Variants in STAU1 observed in about 807,000 individuals in gnomAD.
The protein encoded by STAU1 is staufen double-stranded RNA binding protein 1.
STAU1 carries 13 observed loss-of-function variants against 62.9 expected under a neutral mutation model. That is an observed-to-expected ratio of 0.21 (90% CI 0.13 to 0.33). STAU1 has a LOEUF of 0.33. Ranked by LOEUF, STAU1 falls within the 10% of genes least tolerant of loss-of-function variation. STAU1 has a pLI of 1.00. For synonymous variants in STAU1, 269 were observed against 265.1 expected, an observed-to-expected ratio of 1.01 and a Z score of -0.14; for missense variants, 571 against 712.1, an observed-to-expected ratio of 0.80 and a Z score of 2.25.
At chr20:49,115,958 G>T in intron 12 of STAU1, 91 bp from the exon 13 acceptor site, 1 of 1,078,018 alleles carries the variant, frequency 9.3e-7, no homozygotes, top group Non-Finnish European at 1.4e-6. Flanking sequence ...AGTTCCTGCT[G>T]CCCAGCAAAC....
chr20:49,195,512 G>A, the STAU1 span, among the ~76,000 whole-genome samples: 5 of 115,738 alleles, frequency 4.3e-5, no homozygotes, highest in Non-Finnish European at 8.3e-5. Context: ...CTCCAGCCTG[G>A]GCGACAGAGC....
At chr20:49,164,945 C>T (rs557548042) in intron 3 of STAU1, among the ~76,000 whole-genome samples, 5 of 152,292 alleles carry the variant, frequency 3.3e-5, no homozygotes, top group Non-Finnish European at 7.4e-5. Flanking sequence ...TCTAGTAAAT[C>T]TGGCTGCCCC....
At chr20:49,129,410 CCT>C (rs933777642) in intron 6 of STAU1, among the ~76,000 whole-genome samples, 6 of 150,342 alleles carry the variant, frequency 4.0e-5, no homozygotes, top group Admixed American at 6.6e-5. Context: ...CCCTCAGCCC[CCT>C]GAGTACCTGG....
intron 6 of STAU1, among the ~76,000 whole-genome samples, chr20:49,127,342 G>A (rs888328863): frequency 5.9e-5 from 9 of 151,640 alleles, no homozygotes; most frequent in Admixed American, 1.3e-4. Flanking sequence ...CAACAAGAGC[G>A]AAACACCATC....
intron 2 of STAU1, among the ~76,000 whole-genome samples, chr20:49,168,717 T>C (rs1178098191): frequency 1.3e-5 from 2 of 152,180 alleles, no homozygotes; most frequent in Non-Finnish European, 2.9e-5. Context: ...GGGAGCAATT[T>C]TGTTCCCCCA....
upstream of STAU1, among the ~76,000 whole-genome samples, chr20:49,189,610 ACT>A (rs1393411268): frequency 1.3e-4 from 17 of 129,788 alleles, no homozygotes; most frequent in Non-Finnish European, 2.4e-4. Flanking sequence ...ACAGAGTGAG[ACT>A]CTGTCTCAAA....
Position 49,153,947 on chromosome 20 carries a change from A to G in STAU1, c.330T>C (p.Gly110=), listed in dbSNP as rs1008442818. ...QSTYNYNMRG[G]AYPPRYFYPF... ...AAAACACATACCTCGGGGGATAAGC[A>G]CCTCCTCTCATGTTGTAGTTATAGG... The change falls in exon 4 of 14, where the codon GGT becomes GGC. Residue 110 remains glycine (G), a synonymous_variant. Coordinates refer to ENST00000371856, the MANE Select transcript of STAU1 (RefSeq NM_017453.4). The G allele has an allele frequency of 8.8e-6, 14 of 1,587,608 alleles. No homozygotes were observed. Among genetic ancestry groups the G allele is most frequent in the Non-Finnish European group, 1.2e-5 (14 of 1,173,238 alleles).
At chr20:49,162,849 C>A (rs2146352516) in intron 3 of STAU1, among the ~76,000 whole-genome samples, 1 of 151,146 alleles carries the variant, frequency 6.6e-6, no homozygotes, top group East Asian at 2.0e-4. Context: ...GAAACAGGCA[C>A]AAGGAAGGGG....
chr20:49,182,680 C>T (rs1295154594), intron 1 of STAU1, among the ~76,000 whole-genome samples: 2 of 151,888 alleles, frequency 1.3e-5, no homozygotes, highest in South Asian at 2.1e-4. Flanking sequence ...CTACTAAAAA[C>T]ACAAAAAAAT....
chr20:49,158,181 C>G (rs1238880989), intron 3 of STAU1, among the ~76,000 whole-genome samples: 1 of 152,040 alleles, frequency 6.6e-6, no homozygotes, highest in Non-Finnish European at 1.5e-5. Flanking sequence ...ACTCAGGAGG[C>G]TGAGGCAAGA....
chr20:49,190,007 T>C (rs2093828378), upstream of STAU1, among the ~76,000 whole-genome samples: 1 of 152,178 alleles, frequency 6.6e-6, no homozygotes, highest in African/African-American at 2.4e-5. Context: ...CAAAGGACTT[T>C]CACCGTCCCT....
chr20:49,164,471 T>TG (rs397725485), intron 3 of STAU1, among the ~76,000 whole-genome samples: 1 of 151,298 alleles, frequency 6.6e-6, no homozygotes, highest in Non-Finnish European at 1.5e-5. Context: ...TTTTTTTTTT[T>TG]GTATAGATGG....
In STAU1 at chr20:49,117,785, C is replaced by T. The variant is rs1200180526; in HGVS notation, c.1501G>A (p.Gly501Arg). 1.2e-6 allele frequency: 2 copies of T among 1,609,502 alleles called. No homozygotes were observed. The highest frequency in any genetic ancestry group is 1.7e-6 in the Non-Finnish European group (2 of 1,177,532). The change falls in exon 11 of 14, where the codon GGA becomes AGA. Residue 501 changes from glycine to arginine, a missense_variant. Gly to Arg is a moderately radical substitution (Grantham distance 125, BLOSUM62 -2). Around this residue, in one of 3 missense-constraint regions of STAU1, gnomAD observed 156 missense variants for 194.7 expected, o/e 0.80. Transcript: ENST00000371856. The surrounding 1 kb of genome is among the most constrained non-coding windows in gnomAD (Gnocchi z 4.6). ...TCAGGCCAGACAGTTACCTGGAATC[C>T]CTGGACTCTGGAAAGATAGTCCAGT... ...EQLDYLSRVQGFQVEYKDFPK... is the reference protein window; with the variant it reads ...EQLDYLSRVQRFQVEYKDFPK...
chr20:49,207,950 G>A, the STAU1 span, among the ~76,000 whole-genome samples: 8 of 151,466 alleles, frequency 5.3e-5, no homozygotes, highest in African/African-American at 1.5e-4. Context: ...GCATGATCTC[G>A]GCTCACTGTA....
intron 5 of STAU1, among the ~76,000 whole-genome samples, chr20:49,144,702 CT>C (rs1486333664): frequency 2.0e-5 from 3 of 152,100 alleles, no homozygotes; most frequent in Non-Finnish European, 2.9e-5. Flanking sequence ...CTCTAGTCTT[CT>C]TTTTTTAACC....
chr20:49,215,683 C>G, the STAU1 span, among the ~76,000 whole-genome samples: 2 of 152,048 alleles, frequency 1.3e-5, no homozygotes, highest in African/African-American at 4.8e-5. Flanking sequence ...TAACATTCAC[C>G]TTGAGTCTCC....
the STAU1 span, among the ~76,000 whole-genome samples, chr20:49,198,532 T>C: frequency 6.6e-6 from 1 of 151,360 alleles, no homozygotes; most frequent in South Asian, 2.1e-4. Flanking sequence ...AGAAATAATA[T>C]ATAAAAATAA....
At chr20:49,206,753 T>TATATA in the STAU1 span, among the ~76,000 whole-genome samples, 1 of 92,886 alleles carries the variant, frequency 1.1e-5, no homozygotes, top group Non-Finnish European at 2.1e-5. Flanking sequence ...ATATATATAT[T>TATATA]TTATTTTATT....
At chr20:49,212,079 C>T in the STAU1 span, among the ~76,000 whole-genome samples, 2 of 152,078 alleles carry the variant, frequency 1.3e-5, no homozygotes, top group African/African-American at 2.4e-5. Flanking sequence ...GCTTCAACCT[C>T]CCCAGACTCA....
Sources: gnomAD v4.1 joint callset for allele counts (sites outside exome capture counted in the v4.1 genomes callset) on GRCh38, gnomAD v4.1.1 for gene constraint, gnomAD v4.1.1 regional missense constraint, Gnocchi (gnomAD v3.1) non-coding constraint, MANE v1.5 for transcripts, NCBI Gene and HGNC (gene_info 2026-07-23, HGNC 2026-07-21) for gene names.